Variants in SCAMP5 observed in about 807,000 individuals in gnomAD.
The protein encoded by SCAMP5 is secretory carrier membrane protein 5.
In SCAMP5, 7 loss-of-function variants were observed where a neutral mutation model predicts 28.3. The ratio of observed to expected loss-of-function variants is 0.25; its 90% CI spans 0.14 to 0.46. The LOEUF is 0.46. Among genes scored for constraint, SCAMP5 ranks in the 20% least tolerant of loss-of-function variants. SCAMP5 has a pLI of 0.99. For synonymous variants in SCAMP5, 117 were observed against 116.4 expected (o/e 1.00, Z -0.03); for missense variants, 192 against 312.5 (o/e 0.61, Z 2.91).
rs780733538 is a variant in SCAMP5, at chr15:75,011,819, A to ACACCAG, written c.-20_-19insACCAGC. ...CAGGACAAAGAGGTGTGGGCAGGCC[A>ACACCAG]CTGGGCCAGCTGGTAACATCATGGC... On this transcript the variant is annotated 5_prime_UTR_variant, in exon 2 of 7. Transcript: ENST00000425597. 3 of 1,611,856 alleles carry ACACCAG rather than the reference A, an allele frequency of 1.9e-6. No homozygotes were observed. In the South Asian group the frequency reaches 3.3e-5, roughly 18 times the overall value.
chr15:75,009,482 T>C (rs1567024961), intron 1 of SCAMP5, among the ~76,000 whole-genome samples: 2 of 149,848 alleles, frequency 1.3e-5, no homozygotes, highest in African/African-American at 5.0e-5. Flanking sequence ...TGTGTGTGTG[T>C]GCTTTTTTTC....
chr15:75,015,904 C>T (rs1386763697), intron 3 of SCAMP5, among the ~76,000 whole-genome samples: 5 of 123,794 alleles, frequency 4.0e-5, no homozygotes, highest in Admixed American at 1.1e-4. Context: ...CCAGCCTGGG[C>T]GACAGAGTGA....
intron 2 of SCAMP5, 58 bp downstream of exon 2, chr15:75,011,904 C>A: frequency 2.7e-6 from 4 of 1,478,250 alleles, no homozygotes; most frequent in East Asian, 4.6e-5. Context: ...GCGTGGATGG[C>A]CCTCTTCCTG....
chr15:75,003,701 T>C (rs961646181), intron 1 of SCAMP5, among the ~76,000 whole-genome samples: 1 of 152,068 alleles, frequency 6.6e-6, no homozygotes, highest in Non-Finnish European at 1.5e-5. Flanking sequence ...TCCCAGCTAC[T>C]TGGGAAGCTG....
In SCAMP5 at chr15:75,020,623, G is replaced by A. The variant is rs886072086; in HGVS notation, c.*1640G>A. ...TCTGTTCCAAGCAGTGTGAGAACAT[G>A]GCTGGTAGAGGCTCTAGCTGTGTGC... On this transcript the variant is annotated 3_prime_UTR_variant, in exon 7 of 7. Transcript: ENST00000425597. The A allele has an allele frequency of 2.0e-5, 3 of 152,252 alleles. No homozygotes were observed. Among genetic ancestry groups the A allele is most frequent in the Non-Finnish European group, 4.4e-5 (3 of 68,088 alleles). 9.4% of individuals were successfully genotyped at this position (152,252 alleles called of 1,614,324 possible).
At chr15:75,016,534 T>G in intron 3 of SCAMP5, 59 bp from the exon 4 acceptor site, 1 of 1,529,522 alleles carries the variant, frequency 6.5e-7, no homozygotes, top group Non-Finnish European at 8.9e-7. Flanking sequence ...GGTGCTCATG[T>G]GTCTCTCTAT....
At chr15:75,014,848 A>G (rs1347975391) in intron 3 of SCAMP5, among the ~76,000 whole-genome samples, 1 of 152,196 alleles carries the variant, frequency 6.6e-6, no homozygotes, top group African/African-American at 2.4e-5. Context: ...GTGAACCAAT[A>G]TAATAGGTTA....
At chr15:75,011,523 C>G (rs2065811585) in intron 1 of SCAMP5, 1 of 269,966 alleles carries the variant, frequency 3.7e-6, no homozygotes, top group Non-Finnish European at 7.1e-6. Context: ...TGTATGGGAT[C>G]CCCTCCCAGG....
chr15:75,013,318 G>A (rs2065829400), intron 3 of SCAMP5, among the ~76,000 whole-genome samples: 1 of 152,222 alleles, frequency 6.6e-6, no homozygotes, highest in Non-Finnish European at 1.5e-5. Context: ...TGCTTGCCAA[G>A]CAGCAGGTTC....
chr15:75,011,872 G>A, intron 2 of SCAMP5, 26 bp downstream of exon 2: 1 of 1,607,266 alleles, frequency 6.2e-7, no homozygotes, highest in African/African-American at 1.3e-5. Flanking sequence ...GGCTGTGTGG[G>A]TAGGACATGA....
chr15:75,006,588 C>G (rs1324410569), intron 1 of SCAMP5, among the ~76,000 whole-genome samples: 1 of 152,022 alleles, frequency 6.6e-6, no homozygotes, highest in African/African-American at 2.4e-5. Context: ...GAGATCGAGA[C>G]TATCCTGGCT....
intron 1 of SCAMP5, among the ~76,000 whole-genome samples, chr15:75,011,001 T>C (rs1003519039): frequency 2.6e-5 from 4 of 152,034 alleles, no homozygotes; most frequent in Non-Finnish European, 5.9e-5. Flanking sequence ...GCCTAGGAAT[T>C]CAAATTAGCC....
intron 1 of SCAMP5, among the ~76,000 whole-genome samples, chr15:75,003,809 AAAAT>A (rs965046760): frequency 2.6e-5 from 4 of 152,128 alleles, no homozygotes; most frequent in East Asian, 1.9e-4. Flanking sequence ...GACCCTATCT[AAAAT>A]AAATAAATAA....
chr15:75,006,762 G>A (rs1220708076), intron 1 of SCAMP5, among the ~76,000 whole-genome samples: 2 of 146,028 alleles, frequency 1.4e-5, no homozygotes, highest in East Asian at 2.0e-4. Flanking sequence ...GTGACAGAGC[G>A]AGACTCCATC....
chr15:74,995,791 GGAA>G (rs2065646106), intron 1 of SCAMP5, 118 bp downstream of exon 1: 1 of 152,660 alleles, frequency 6.6e-6, no homozygotes, highest in Admixed American at 6.5e-5. Context: ...TTTGGATGCA[GGAA>G]GAAGGCCGAA....
intron 2 of SCAMP5, among the ~76,000 whole-genome samples, 181 bp downstream of exon 2, chr15:75,012,027 C>T (rs372377044): frequency 6.6e-6 from 1 of 152,230 alleles, no homozygotes; most frequent in East Asian, 1.9e-4. Context: ...ATGACATTGT[C>T]TAGCCCTCTG....
chr15:74,997,800 A>C (rs888466638), intron 1 of SCAMP5, among the ~76,000 whole-genome samples: 1 of 152,214 alleles, frequency 6.6e-6, no homozygotes, highest in Non-Finnish European at 1.5e-5. Context: ...CTGAATAGTC[A>C]TCAGTAGGAC....
chr15:75,007,396 T>C (rs1163438275), intron 1 of SCAMP5, among the ~76,000 whole-genome samples: 1 of 152,150 alleles, frequency 6.6e-6, no homozygotes, highest in African/African-American at 2.4e-5. Context: ...CAGTTTCTTT[T>C]TCTTTTTTTG....
intron 1 of SCAMP5, among the ~76,000 whole-genome samples, chr15:75,000,867 C>T (rs1348535685): frequency 1.3e-5 from 2 of 152,090 alleles, no homozygotes; most frequent in East Asian, 1.9e-4. Flanking sequence ...CCTTCCTCTG[C>T]CTCTTTCGTT....
Sources: gnomAD v4.1 joint callset for allele counts (sites outside exome capture counted in the v4.1 genomes callset) on GRCh38, gnomAD v4.1.1 for gene constraint, MANE v1.5 for transcripts, NCBI Gene and HGNC (gene_info 2026-07-23, HGNC 2026-07-21) for gene names.